Variants in EPHB1 observed in about 807,000 individuals in gnomAD.
EPHB1 encodes the protein EPH receptor B1.
Under a neutral mutation model 94.4 loss-of-function variants are expected in EPHB1, and 30 were observed. That is an observed-to-expected ratio of 0.32 (90% CI 0.24 to 0.43). The LOEUF is 0.43. Ranked by LOEUF, EPHB1 falls within the 20% of genes least tolerant of loss-of-function variation. The pLI is 1.00. For missense variants in EPHB1, 1,055 were observed against 1,308.3 expected, an observed-to-expected ratio of 0.81 and a Z score of 2.99; for synonymous variants, 522 against 489.1, an observed-to-expected ratio of 1.07 and a Z score of -0.89.
chr3:135,241,288 C>T lies in EPHB1; in HGVS notation c.2487C>T (p.Ser829=). 4 of 1,614,104 alleles carry T rather than the reference C, an allele frequency of 2.5e-6. No homozygotes were observed. The highest frequency in any genetic ancestry group is 3.4e-6 in the Non-Finnish European group (4 of 1,180,002). The change falls in exon 13 of 16, where the codon TCC becomes TCT. Residue 829 remains serine, a synonymous_variant. Transcript: ENST00000398015. ...GAGAGAGACCCTATTGGGATATGTC[C>T]AACCAAGATGTGAGTGTCAGCAGCA... The part of the protein sequence containing the change: ...SFGERPYWDM[S]NQDVINAIEQ...
intron 1 of EPHB1, among the ~76,000 whole-genome samples, chr3:134,873,372 A>C (rs1002797866): frequency 6.6e-6 from 1 of 152,184 alleles, no homozygotes; most frequent in African/African-American, 2.4e-5. Flanking sequence ...AAGTAAGAGA[A>C]AACTCTTCTA....
intron 11 of EPHB1, 96 bp downstream of exon 11, chr3:135,192,919 C>G (rs542798023): frequency 1.4e-6 from 2 of 1,474,216 alleles, no homozygotes; most frequent in African/African-American, 2.8e-5. Context: ...AATCAGGAAT[C>G]GCCTGATCCA....
chr3:135,253,488 G>A (rs1403065457), intron 15 of EPHB1, among the ~76,000 whole-genome samples: 1 of 151,520 alleles, frequency 6.6e-6, no homozygotes, highest in Non-Finnish European at 1.5e-5. Flanking sequence ...CCCATTGCTT[G>A]TTTTTCTCAG....
intron 1 of EPHB1, among the ~76,000 whole-genome samples, chr3:134,850,547 C>CCGT (rs2036958800): frequency 6.6e-6 from 1 of 152,192 alleles, no homozygotes; most frequent in African/African-American, 2.4e-5. Context: ...TGACTGTTCA[C>CCGT]CGTCGGGTGG....
intron 3 of EPHB1, among the ~76,000 whole-genome samples, chr3:134,995,321 A>G (rs1182715121): frequency 3.3e-5 from 5 of 152,166 alleles, no homozygotes; most frequent in Admixed American, 2.0e-4. Flanking sequence ...GTGAATATTA[A>G]TGGTCCATTC....
intron 3 of EPHB1, among the ~76,000 whole-genome samples, chr3:135,088,546 T>G (rs968820942): frequency 6.6e-6 from 1 of 152,188 alleles, no homozygotes; most frequent in African/African-American, 2.4e-5. Flanking sequence ...GAAACCCAGG[T>G]GCATTCTACT....
At chr3:135,032,994 T>C (rs1028514435) in intron 3 of EPHB1, among the ~76,000 whole-genome samples, 7 of 152,212 alleles carry the variant, frequency 4.6e-5, no homozygotes, top group African/African-American at 1.4e-4. Context: ...CTCTTCTTTA[T>C]TGTCATTGCA....
At chr3:134,905,671 C>T (rs1353327089) in intron 1 of EPHB1, among the ~76,000 whole-genome samples, 4 of 152,300 alleles carry the variant, frequency 2.6e-5, no homozygotes, top group African/African-American at 9.6e-5. Flanking sequence ...CTTCTGGCCT[C>T]CTCTTTTCCT....
At chr3:134,808,089 T>C (rs1214414832) in intron 1 of EPHB1, among the ~76,000 whole-genome samples, 3 of 152,194 alleles carry the variant, frequency 2.0e-5, no homozygotes, top group African/African-American at 7.2e-5. Flanking sequence ...AAGTAGAGAA[T>C]GGATCTGCAG....
chr3:135,039,211 G>A (rs897639179), intron 3 of EPHB1, among the ~76,000 whole-genome samples: 10 of 152,248 alleles, frequency 6.6e-5, no homozygotes, highest in African/African-American at 2.2e-4. Context: ...GGTTCTCCAC[G>A]TCCTCACCAG....
chr3:135,115,402 G>A (rs550023571), intron 4 of EPHB1, among the ~76,000 whole-genome samples: 1 of 152,176 alleles, frequency 6.6e-6, no homozygotes, highest in East Asian at 1.9e-4. Flanking sequence ...AAGGCAGTCA[G>A]GAGTGAGTGG....
At chr3:135,004,653 C>T (rs1471282330) in intron 3 of EPHB1, among the ~76,000 whole-genome samples, 9 of 151,566 alleles carry the variant, frequency 5.9e-5, no homozygotes, top group East Asian at 1.9e-4. Flanking sequence ...AGGCTTTGCT[C>T]GTTTCTTTTT....
intron 1 of EPHB1, among the ~76,000 whole-genome samples, chr3:134,831,086 C>T (rs1017700915): frequency 6.6e-6 from 1 of 152,168 alleles, no homozygotes; most frequent in Non-Finnish European, 1.5e-5. Flanking sequence ...TCCCCTAAAC[C>T]CTTCCAATAA....
intron 3 of EPHB1, among the ~76,000 whole-genome samples, chr3:135,094,004 T>C (rs1167484822): frequency 6.6e-6 from 1 of 152,250 alleles, no homozygotes; most frequent in Non-Finnish European, 1.5e-5. Context: ...TAAGCTGTAA[T>C]TAATTTTTTC....
chr3:135,167,668 G>T (rs6786445), intron 9 of EPHB1, among the ~76,000 whole-genome samples: 1 of 152,154 alleles, frequency 6.6e-6, no homozygotes, highest in Non-Finnish European at 1.5e-5. Flanking sequence ...TCTGAGAAAG[G>T]TCTCTCTAGG....
At chr3:135,042,851 A>AT (rs1051448604) in intron 3 of EPHB1, among the ~76,000 whole-genome samples, 26 of 150,864 alleles carry the variant, frequency 1.7e-4, no homozygotes, top group Admixed American at 3.3e-4. Flanking sequence ...TTTATTTTTT[A>AT]TTTTTTTTGA....
intron 7 of EPHB1, among the ~76,000 whole-genome samples, 165 bp from the exon 8 acceptor site, chr3:135,165,803 A>G (rs1041235306): frequency 3.9e-5 from 6 of 152,180 alleles, no homozygotes; most frequent in African/African-American, 1.4e-4. Context: ...GTTTATTTAT[A>G]ACTTAAAAAT....
chr3:135,140,772 A>G (rs959134990), intron 5 of EPHB1, among the ~76,000 whole-genome samples: 1 of 152,194 alleles, frequency 6.6e-6, no homozygotes, highest in African/African-American at 2.4e-5. Flanking sequence ...ATGGCATCCC[A>G]GCACTGTTGT....
intron 4 of EPHB1, among the ~76,000 whole-genome samples, chr3:135,106,915 A>G (rs1332384719): frequency 6.6e-6 from 1 of 152,152 alleles, no homozygotes; most frequent in Non-Finnish European, 1.5e-5. Flanking sequence ...CAAAATCATG[A>G]TCTATTATCA....
Sources: gnomAD v4.1 joint callset for allele counts (sites outside exome capture counted in the v4.1 genomes callset) on GRCh38, gnomAD v4.1.1 for gene constraint, MANE v1.5 for transcripts, NCBI Gene and HGNC (gene_info 2026-07-23, HGNC 2026-07-21) for gene names.